RSRC1: variants seen among roughly 807,000 people sequenced by gnomAD.
RSRC1 encodes the protein serine/Arginine-related protein 53.
In RSRC1, 39 loss-of-function variants were observed where a neutral mutation model predicts 49.1. The observed-to-expected ratio is 0.79, with a 90% CI of 0.61 to 1.04. The LOEUF is 1.04. Ranked by LOEUF, RSRC1 falls within the 50% of genes least tolerant of loss-of-function variation. RSRC1 has a pLI of 0.00. For synonymous variants in RSRC1, 143 were observed against 130.8 expected, an observed-to-expected ratio of 1.09 and a Z score of -0.63; for missense variants, 388 against 402.4, an observed-to-expected ratio of 0.96 and a Z score of 0.31.
chr3:158,197,109 T>G (rs573850140), intron 3 of RSRC1, among the ~76,000 whole-genome samples: 1 of 152,128 alleles, frequency 6.6e-6, no homozygotes, highest in Non-Finnish European at 1.5e-5. Flanking sequence ...TGGTAGAATT[T>G]GGCTGTGAAT....
chr3:158,162,796 T>C (rs1289669976), intron 3 of RSRC1, among the ~76,000 whole-genome samples: 1 of 152,166 alleles, frequency 6.6e-6, no homozygotes, highest in African/African-American at 2.4e-5. Context: ...ATTGACTTTG[T>C]TTCTTTAGAT....
At chr3:158,293,544 G>A (rs1190611172) in intron 4 of RSRC1, among the ~76,000 whole-genome samples, 1 of 151,952 alleles carries the variant, frequency 6.6e-6, no homozygotes, top group African/African-American at 2.4e-5. Flanking sequence ...AGATGATTAT[G>A]GGTGAACTTT....
intron 4 of RSRC1, among the ~76,000 whole-genome samples, chr3:158,262,064 G>A (rs1228056346): frequency 6.6e-6 from 1 of 152,122 alleles, no homozygotes; most frequent in Admixed American, 6.5e-5. Flanking sequence ...GTTGGGAACT[G>A]TTGCTTTAAC....
At chr3:158,509,689 A>ATT (rs1740049580) in intron 7 of RSRC1, among the ~76,000 whole-genome samples, 1 of 152,204 alleles carries the variant, frequency 6.6e-6, no homozygotes, top group South Asian at 2.1e-4. Flanking sequence ...AGTAAAAAAT[A>ATT]GTATATAAAT....
rs1484160744 is a variant in RSRC1 at position 158,123,938 on chromosome 3, T to C, written c.267T>C (p.Gly89=). The change falls in exon 3 of 10, where the codon GGT becomes GGC. Residue 89 remains glycine (G), a synonymous_variant. Coordinates refer to ENST00000611884, the MANE Select transcript of RSRC1 (RefSeq NM_001271838.2). ...AACGAAGTCGAAGTCGTTCAAGGGG[T>C]CGAGGGAAATCCTATAGAGTTCAGA... is the stretch of plus-strand genomic sequence containing the variant. The part of the protein sequence containing the change: ...RRKRSRSRSR[G]RGKSYRVQRS... 6.2e-7 allele frequency: 1 copy of C among 1,613,042 alleles called. No homozygotes were observed. Among genetic ancestry groups the C allele is most frequent in the Admixed American group, 1.7e-5 (1 of 59,988 alleles).
At chr3:158,482,949 G>A (rs1355906604) in intron 7 of RSRC1, among the ~76,000 whole-genome samples, 1 of 151,842 alleles carries the variant, frequency 6.6e-6, no homozygotes, top group Non-Finnish European at 1.5e-5. Flanking sequence ...CTGCTGGTTT[G>A]CTGTTAAATA....
chr3:158,425,448 T>A (rs548394262), intron 6 of RSRC1, among the ~76,000 whole-genome samples: 8 of 152,224 alleles, frequency 5.3e-5, no homozygotes, highest in African/African-American at 1.7e-4. Flanking sequence ...TGAGAGATAG[T>A]TTGTTATAAT....
intron 4 of RSRC1, among the ~76,000 whole-genome samples, chr3:158,216,297 A>G (rs1297443798): frequency 6.6e-6 from 1 of 150,448 alleles, no homozygotes; most frequent in Non-Finnish European, 1.5e-5. Context: ...GCTTAAGTTC[A>G]CTTTCTCTTT....
chr3:158,379,568 C>G (rs1015241465), intron 6 of RSRC1, among the ~76,000 whole-genome samples: 8 of 152,070 alleles, frequency 5.3e-5, no homozygotes, highest in African/African-American at 1.7e-4. Context: ...ATCCGATGAG[C>G]TATCTTTTTT....
intron 3 of RSRC1, among the ~76,000 whole-genome samples, chr3:158,149,112 T>A (rs1031673590): frequency 6.6e-6 from 1 of 152,236 alleles, no homozygotes; most frequent in Non-Finnish European, 1.5e-5. Flanking sequence ...GTATTTGCTG[T>A]ACTTTCGGTT....
intron 7 of RSRC1, among the ~76,000 whole-genome samples, chr3:158,470,141 A>G (rs1738064809): frequency 6.6e-6 from 1 of 152,044 alleles, no homozygotes; most frequent in South Asian, 2.1e-4. Flanking sequence ...CCAGGTGTGT[A>G]GTTTCTAAAT....
chr3:158,318,026 CGTGTGTGTGT>C (rs143213290), intron 5 of RSRC1, among the ~76,000 whole-genome samples: 1 of 149,308 alleles, frequency 6.7e-6, no homozygotes, highest in African/African-American at 2.5e-5. Flanking sequence ...TTTGTGTGTG[CGTGTGTGTGT>C]GTGTGTGTGT....
chr3:158,413,810 G>A (rs1001898840), intron 6 of RSRC1, among the ~76,000 whole-genome samples: 1 of 152,050 alleles, frequency 6.6e-6, no homozygotes, highest in African/African-American at 2.4e-5. Flanking sequence ...AATCAAAATG[G>A]CAATTATTAA....
At chr3:158,149,075 C>T (rs1021731899) in intron 3 of RSRC1, among the ~76,000 whole-genome samples, 8 of 152,310 alleles carry the variant, frequency 5.3e-5, no homozygotes, top group Admixed American at 3.3e-4. Flanking sequence ...TGAGCCACTG[C>T]GCCCAGTCAC....
At chr3:158,464,331 T>C (rs116404744) in intron 7 of RSRC1, among the ~76,000 whole-genome samples, 2,424 of 152,298 alleles carry the variant, frequency 0.016, 52 homozygotes, top group African/African-American at 0.055. Context: ...TTTCTTTGCA[T>C]TTGACTTCTC....
intron 3 of RSRC1, among the ~76,000 whole-genome samples, chr3:158,158,416 T>C (rs192249917): frequency 6.6e-6 from 1 of 152,212 alleles, no homozygotes; most frequent in Non-Finnish European, 1.5e-5. Context: ...AGGGATATTA[T>C]AATTATATAT....
intron 5 of RSRC1, chr3:158,336,439 C>G: frequency 6.4e-6 from 1 of 156,356 alleles, no homozygotes; most frequent in South Asian, 2.0e-4. Context: ...TGACCCCCAG[C>G]TCCAGAGGGT....
chr3:158,240,592 G>A (rs1723515871), intron 4 of RSRC1, among the ~76,000 whole-genome samples: 1 of 151,964 alleles, frequency 6.6e-6, no homozygotes, highest in Non-Finnish European at 1.5e-5. Flanking sequence ...TTTCTTTCCT[G>A]TTCTCTCTTT....
intron 3 of RSRC1, among the ~76,000 whole-genome samples, chr3:158,163,303 G>A (rs988795681): frequency 1.3e-5 from 2 of 151,984 alleles, no homozygotes; most frequent in African/African-American, 4.8e-5. Flanking sequence ...ACCTCATGTG[G>A]CCTGAAATAA....
Sources: allele counts gnomAD v4.1 joint callset (sites outside exome capture counted in the v4.1 genomes callset), GRCh38; gene constraint gnomAD v4.1.1; transcripts MANE v1.5; gene names NCBI Gene and HGNC (gene_info 2026-07-23, HGNC 2026-07-21).